FBN1: variants seen among roughly 807,000 people sequenced by gnomAD.
FBN1 encodes the protein fibrillin-1.
A neutral mutation model predicts 365.1 loss-of-function variants in FBN1; 29 were observed. The observed-to-expected ratio is 0.08, with a 90% CI of 0.06 to 0.11. The LOEUF (loss-of-function observed/expected upper bound fraction) is 0.11. Ranked by LOEUF, FBN1 falls within the 10% of genes least tolerant of loss-of-function variation. The probability of loss-of-function intolerance (pLI) is 1.00; values close to 1 mark genes in which losing one functional copy is unlikely to be tolerated. For synonymous variants in FBN1, 1,210 were observed against 1,270.5 expected (o/e 0.95, Z 1.01); for missense variants, 2,476 against 3,703.2 (o/e 0.67, Z 8.60).
intron 54 of FBN1, 86 bp from the exon 55 acceptor site, chr15:48,433,074 A>G (rs2043036825): frequency 1.3e-6 from 2 of 1,485,822 alleles, no homozygotes; most frequent in Non-Finnish European, 1.9e-6. Flanking sequence ...CTAAAACTTT[A>G]CCAAAAGTTG....
intron 50 of FBN1, among the ~76,000 whole-genome samples, chr15:48,441,405 A>C (rs558723973): frequency 1.3e-5 from 2 of 152,052 alleles, no homozygotes; most frequent in Admixed American, 6.6e-5. Flanking sequence ...ATGTAGCTCA[A>C]CTTCCCCCAG....
chr15:48,464,794 T>C (rs2043307686), intron 40 of FBN1, among the ~76,000 whole-genome samples: 1 of 152,210 alleles, frequency 6.6e-6, no homozygotes, highest in African/African-American at 2.4e-5. Flanking sequence ...GCATGGAGCA[T>C]ATTTCACATC....
At chr15:48,504,309 T>C (rs1428298110) in intron 16 of FBN1, among the ~76,000 whole-genome samples, 3 of 152,236 alleles carry the variant, frequency 2.0e-5, no homozygotes, top group African/African-American at 7.2e-5. Context: ...TCTCACATCC[T>C]GCTAAATAAG....
intron 56 of FBN1, among the ~76,000 whole-genome samples, chr15:48,429,521 C>T (rs2043009416): frequency 2.0e-5 from 3 of 152,162 alleles, no homozygotes; most frequent in Admixed American, 1.3e-4. Flanking sequence ...ATGGAGCTCT[C>T]ACTAGGAAAG....
At chr15:48,437,098 T>A (rs762782693) in intron 52 of FBN1, 21 bp from the exon 53 acceptor site, 20 of 1,490,874 alleles carry the variant, frequency 1.3e-5, no homozygotes, top group Non-Finnish European at 1.7e-5. Flanking sequence ...AGAAAAAAAA[T>A]AGTGAATAAC....
intron 2 of FBN1, among the ~76,000 whole-genome samples, chr15:48,632,039 G>A (rs1889998539): frequency 1.3e-5 from 2 of 152,184 alleles, no homozygotes; most frequent in Admixed American, 1.3e-4. Flanking sequence ...TTGAGGGGGT[G>A]CATATTAATA....
chr15:48,644,830 C>T lies in FBN1; in HGVS notation c.-61G>A, dbSNP rs1259331710. On this transcript the variant is annotated 5_prime_UTR_variant, in exon 2 of 66. Coordinates refer to ENST00000316623, the MANE Select transcript of FBN1 (RefSeq NM_000138.5). ...CCGCGCCCGGGGCTCGGTCTGCGGC[C>T]GCCGCTGCGCCCTGAAGCGCACCGC... is the stretch of plus-strand genomic sequence containing the variant. The T allele has an allele frequency of 5.2e-6, 8 of 1,532,156 alleles. No individual in the cohort carries two copies. Among genetic ancestry groups the T allele is most frequent in the South Asian group, 1.2e-5 (1 of 85,392 alleles). 94.9% of individuals were successfully genotyped at this position (1,532,156 alleles called of 1,614,324 possible). A position where few individuals can be genotyped will look rare whatever the true frequency, so the allele number is the denominator to read the frequency against.
In FBN1 at chr15:48,510,142, C is replaced by T. The variant is rs767893806; in HGVS notation, c.1616G>A (p.Arg539Gln). 6.2e-6 allele frequency: 10 copies of T among 1,613,054 alleles called. No individual in the cohort carries two copies. The highest frequency in any genetic ancestry group is 2.7e-5 in the African/African-American group (2 of 74,816). Residue 539 changes from arginine to glutamine, a missense_variant, in exon 14 of 66, where the codon CGG becomes CAG. Physicochemically the swap from Arg to Gln is conservative, Grantham distance 43. Transcript: ENST00000316623. The stretch of plus-strand genomic sequence containing the variant: ...GATGCAGCGTCCATTATTGCAGATC[C>T]GGCCATTCTGTAAACACTCATCAAT... ...RDIDECLQNG[R>Q]ICNNGRCINT...
In FBN1 at chr15:48,444,418, T is replaced by C. The variant is rs2303503; in HGVS notation, c.6037+123A>G. ...GAAGGATGAGACCATGTCATACCTATGCCCTTGCATTTGTTTCTGATAAAG... is the reference window on the plus strand; with the variant it reads ...GAAGGATGAGACCATGTCATACCTACGCCCTTGCATTTGTTTCTGATAAAG... On this transcript the variant is annotated intron_variant, in intron 49 of 65. Transcript: ENST00000316623. The C allele has an allele frequency of 0.024, 25,755 of 1,091,134 alleles. 631 individuals are homozygous for C. The highest frequency in any genetic ancestry group is 0.11 in the East Asian group (4,542 of 42,298). The allele number at this position is 1,091,134 out of a possible 1,614,324, so 67.6% of individuals were successfully genotyped here.
At chr15:48,465,466 G>T in intron 40 of FBN1, 102 bp downstream of exon 40, 1 of 1,385,028 alleles carries the variant, frequency 7.2e-7, no homozygotes, top group Non-Finnish European at 1.0e-6. Context: ...TTAGAACATT[G>T]TGCTACACTG....
intron 7 of FBN1, 138 bp from the exon 8 acceptor site, chr15:48,534,343 TATG>T (rs1348472633): frequency 3.5e-6 from 3 of 865,834 alleles, no homozygotes; most frequent in East Asian, 5.0e-5. Flanking sequence ...ATATTTGGAA[TATG>T]ATTAGAGAAA....
Position 48,498,966 on chromosome 15 carries a change from T to G in FBN1, c.2167+19A>C, listed in dbSNP as rs1200837792. ...CTCTGCACATACTGAAGGTAGTAAATTTTGAAAGGAATCCTTACCACTGCC... is the reference window on the plus strand; with the variant it reads ...CTCTGCACATACTGAAGGTAGTAAAGTTTGAAAGGAATCCTTACCACTGCC... On this transcript the variant is annotated intron_variant, in intron 18 of 65. Coordinates refer to ENST00000316623, the MANE Select transcript of FBN1 (RefSeq NM_000138.5). 3 of 1,613,382 alleles carry G rather than the reference T, an allele frequency of 1.9e-6. No individual in the cohort carries two copies. Among genetic ancestry groups the G allele is most frequent in the East Asian group, 4.5e-5 (2 of 44,890 alleles).
Position 48,520,721 on chromosome 15 carries a change from G to C in FBN1, c.1085C>G (p.Ala362Gly), listed in dbSNP as rs1374436710. ...GACCCCTGGAGACCAGCATCGGCCG[G>C]CATCACAGCAGCACTGCATTTTGGT... ...SITKMQCCCDAGRCWSPGVTV... is the reference protein window; with the variant it reads ...SITKMQCCCDGGRCWSPGVTV... Residue 362 changes from alanine (A) to glycine (G), a missense_variant, in exon 10 of 66, where the codon GCC (alanine) becomes GGC (glycine). By Grantham distance (60) the Ala-to-Gly change is moderately conservative. Transcript: ENST00000316623. The C allele has an allele frequency of 6.2e-7, 1 of 1,614,144 alleles. No homozygotes were observed. The highest frequency in any genetic ancestry group is 8.5e-7 in the Non-Finnish European group (1 of 1,180,036).
In FBN1 at chr15:48,505,246, A is replaced by G. The variant is rs1037216211; in HGVS notation, c.1838-99T>C. ...TTTAACCCTTGAAAATGGGGAAGAT[A>G]GGAAATAATATGCAGCATCAGCAAC... On this transcript the variant is annotated intron_variant, in intron 15 of 65. Coordinates refer to ENST00000316623, the MANE Select transcript of FBN1 (RefSeq NM_000138.5). 12 of 1,424,830 alleles carry G rather than the reference A, an allele frequency of 8.4e-6. No homozygotes were observed. In the Admixed American group the frequency reaches 8.5e-5, roughly 10 times the overall value. The allele number at this position is 1,424,830 out of a possible 1,614,324, so 88.3% of individuals were successfully genotyped here.
At chr15:48,579,172 C>A (rs376258925) in intron 6 of FBN1, among the ~76,000 whole-genome samples, 1 of 152,056 alleles carries the variant, frequency 6.6e-6, no homozygotes, top group East Asian at 1.9e-4. Flanking sequence ...GATTTCACCA[C>A]GAGCACTGAA....
chr15:48,636,393 C>G (rs959870996), intron 2 of FBN1, among the ~76,000 whole-genome samples: 1 of 152,122 alleles, frequency 6.6e-6, no homozygotes. Context: ...AGCCCCCAGC[C>G]CTTCGAGTTA....
intron 2 of FBN1, among the ~76,000 whole-genome samples, chr15:48,634,862 CA>C (rs1566942963): frequency 1.1e-3 from 66 of 59,508 alleles, no homozygotes; most frequent in African/African-American, 7.2e-3. Context: ...AAAAACCACA[CA>C]CACACACACA....
intron 4 of FBN1, among the ~76,000 whole-genome samples, chr15:48,600,900 A>T (rs1050062098): frequency 3.9e-5 from 6 of 152,230 alleles, no homozygotes; most frequent in African/African-American, 1.2e-4. Context: ...AAAGATTTAG[A>T]ATCCCAGGTA....
chr15:48,482,469 C>T (rs2043472438), intron 31 of FBN1, among the ~76,000 whole-genome samples: 1 of 152,004 alleles, frequency 6.6e-6, no homozygotes, highest in African/African-American at 2.4e-5. Flanking sequence ...GACAGTGATC[C>T]CTGAGAGAAA....
Sources: gnomAD v4.1 joint callset for allele counts (sites outside exome capture counted in the v4.1 genomes callset) on GRCh38, gnomAD v4.1.1 for gene constraint, MANE v1.5 for transcripts, NCBI Gene and HGNC (gene_info 2026-07-23, HGNC 2026-07-21) for gene names.